Variants in MYRIP observed in about 807,000 individuals in gnomAD.
MYRIP encodes the protein myosin VIIA and Rab interacting protein.
MYRIP carries 49 observed loss-of-function variants against 98.0 expected under a neutral mutation model. That is an observed-to-expected ratio of 0.50 (90% CI 0.40 to 0.63). The LOEUF is 0.63. Ranked by LOEUF, MYRIP falls within the 30% of genes least tolerant of loss-of-function variation. The pLI, the probability that MYRIP is intolerant of heterozygous loss-of-function variation, is 0.00. For synonymous variants in MYRIP, 404 were observed against 409.5 expected, an observed-to-expected ratio of 0.99 and a Z score of 0.16; for missense variants, 1,004 against 1,058.2, an observed-to-expected ratio of 0.95 and a Z score of 0.71.
intron 3 of MYRIP, among the ~76,000 whole-genome samples, chr3:40,061,566 G>A (rs1344942755): frequency 6.6e-6 from 1 of 152,170 alleles, no homozygotes; most frequent in Non-Finnish European, 1.5e-5. Flanking sequence ...TGTCTTTATG[G>A]TAGAATGATT....
chr3:39,893,488 A>C (rs955025206), intron 1 of MYRIP, among the ~76,000 whole-genome samples: 8 of 152,142 alleles, frequency 5.3e-5, no homozygotes, highest in Non-Finnish European at 1.2e-4. Context: ...TTATAATTCA[A>C]TAGGGACCAG....
chr3:39,847,565 T>TCATA (rs1942003315), intron 1 of MYRIP, among the ~76,000 whole-genome samples: 1 of 152,218 alleles, frequency 6.6e-6, no homozygotes, highest in Admixed American at 6.5e-5. Context: ...CCTCAACAGG[T>TCATA]CATAGTTCTT....
At chr3:40,004,593 A>T (rs1372562766) in intron 2 of MYRIP, among the ~76,000 whole-genome samples, 2 of 152,130 alleles carry the variant, frequency 1.3e-5, no homozygotes, top group Non-Finnish European at 2.9e-5. Context: ...AGCAGTATAC[A>T]CTGTACCCCA....
At chr3:39,906,852 T>A (rs1943891638) in intron 2 of MYRIP, among the ~76,000 whole-genome samples, 2 of 152,100 alleles carry the variant, frequency 1.3e-5, no homozygotes, top group South Asian at 4.2e-4. Flanking sequence ...AGAAATAAAG[T>A]CTTGGAGAAG....
intron 11 of MYRIP, among the ~76,000 whole-genome samples, chr3:40,214,741 C>T (rs930039350): frequency 8.5e-5 from 13 of 152,186 alleles, no homozygotes; most frequent in African/African-American, 3.1e-4. Flanking sequence ...AATGAGCACT[C>T]GTTTCTCCCC....
intron 10 of MYRIP, among the ~76,000 whole-genome samples, chr3:40,195,706 T>A (rs77169571): frequency 1.2e-3 from 181 of 148,848 alleles, no homozygotes; most frequent in Non-Finnish European, 2.4e-3. Context: ...GGTTTTTTTT[T>A]AATAAAAAGC....
At chr3:40,207,580 A>G (rs1169437234) in intron 10 of MYRIP, among the ~76,000 whole-genome samples, 1 of 152,216 alleles carries the variant, frequency 6.6e-6, no homozygotes, top group African/African-American at 2.4e-5. Flanking sequence ...AATTTATCCA[A>G]TTACAAACTG....
chr3:39,851,128 A>T (rs1942118943), intron 1 of MYRIP, among the ~76,000 whole-genome samples: 1 of 152,200 alleles, frequency 6.6e-6, no homozygotes. Context: ...TTTCTCTAAG[A>T]CCAGTCATTG....
intron 11 of MYRIP, among the ~76,000 whole-genome samples, chr3:40,232,457 G>T (rs1428163908): frequency 2.6e-5 from 4 of 152,160 alleles, no homozygotes; most frequent in African/African-American, 9.7e-5. Context: ...TCACTCGGAG[G>T]AACACATTTT....
intron 1 of MYRIP, among the ~76,000 whole-genome samples, chr3:39,824,676 T>G (rs1470991698): frequency 6.6e-6 from 1 of 152,070 alleles, no homozygotes; most frequent in East Asian, 1.9e-4. Flanking sequence ...GTTGATTGTT[T>G]GTGCATATTA....
At chr3:39,942,717 T>C (rs1266817875) in intron 2 of MYRIP, among the ~76,000 whole-genome samples, 1 of 152,150 alleles carries the variant, frequency 6.6e-6, no homozygotes, top group Non-Finnish European at 1.5e-5. Context: ...TTGTTAACTA[T>C]AGTCACCCTA....
At chr3:40,189,439 G>A (rs1951136355) in intron 9 of MYRIP, among the ~76,000 whole-genome samples, 1 of 152,162 alleles carries the variant, frequency 6.6e-6, no homozygotes, top group South Asian at 2.1e-4. Context: ...GGATCCAGGA[G>A]ACAAAATTGT....
chr3:39,870,455 T>G (rs779796192), intron 1 of MYRIP, among the ~76,000 whole-genome samples: 7 of 152,256 alleles, frequency 4.6e-5, no homozygotes, highest in Non-Finnish European at 8.8e-5. Context: ...TAGCTAGAGC[T>G]AAGCCTGAGT....
At chr3:40,053,116 A>T (rs1947824117) in intron 3 of MYRIP, among the ~76,000 whole-genome samples, 1 of 152,126 alleles carries the variant, frequency 6.6e-6, no homozygotes, top group African/African-American at 2.4e-5. Flanking sequence ...GAAATGTAGG[A>T]CTTGCTCCCT....
chr3:40,080,870 A>G (rs72873103), intron 3 of MYRIP, among the ~76,000 whole-genome samples: 2,399 of 123,594 alleles, frequency 0.019, 55 homozygotes, highest in African/African-American at 0.066. Context: ...ATTTCTGATG[A>G]TGGATACCTA....
rs1953721901 is a variant in MYRIP at position 40,260,200 on chromosome 3, G to A, written c.*2034G>A. On this transcript the variant is annotated 3_prime_UTR_variant, in exon 17 of 17. Transcript: ENST00000302541. ...AAATATTTTAATGGTTTAAGAAAATGAGGACAACAGGATAATATCTTTGAT... is the reference window on the plus strand; with the variant it reads ...AAATATTTTAATGGTTTAAGAAAATAAGGACAACAGGATAATATCTTTGAT... The A allele has an allele frequency of 6.6e-6, 1 of 152,216 alleles. No homozygotes were observed. The highest frequency in any genetic ancestry group is 2.4e-5 in the African/African-American group (1 of 41,450). 9.4% of individuals were successfully genotyped at this position (152,216 alleles called of 1,614,324 possible).
intron 2 of MYRIP, among the ~76,000 whole-genome samples, chr3:40,007,753 G>T (rs1328009576): frequency 8.5e-5 from 13 of 152,170 alleles, no homozygotes; most frequent in Non-Finnish European, 1.5e-4. Context: ...CTGCCGAATG[G>T]TCACAAGGCT....
At chr3:40,172,558 T>C (rs2887961) in intron 8 of MYRIP, among the ~76,000 whole-genome samples, 72,217 of 152,052 alleles carry the variant, frequency 0.47, 17,620 homozygotes, top group South Asian at 0.7. Flanking sequence ...GCTCTATTAT[T>C]ACCTTATTTC....
chr3:39,962,891 T>A (rs1945357845), intron 2 of MYRIP, among the ~76,000 whole-genome samples: 2 of 152,166 alleles, frequency 1.3e-5, no homozygotes, highest in African/African-American at 4.8e-5. Context: ...TTCTGTGTTA[T>A]AGAGCAGTAG....
Sources: gnomAD v4.1 joint callset for allele counts (sites outside exome capture counted in the v4.1 genomes callset) on GRCh38, gnomAD v4.1.1 for gene constraint, MANE v1.5 for transcripts, NCBI Gene and HGNC (gene_info 2026-07-23, HGNC 2026-07-21) for gene names.